Variants in SAMD5 observed in about 807,000 individuals in gnomAD.
SAMD5 encodes sterile alpha motif domain-containing protein 5.
A neutral mutation model predicts 11.3 loss-of-function variants in SAMD5; 13 were observed. The ratio of observed to expected loss-of-function variants is 1.15; its 90% CI spans 0.75 to 1.83. The LOEUF (loss-of-function observed/expected upper bound fraction) is 1.83. Ranked by LOEUF, SAMD5 falls within the 40% of genes most tolerant of loss-of-function variation. The pLI is 0.00. For synonymous variants in SAMD5, 129 were observed against 111.3 expected (o/e 1.16, Z -1.00); for missense variants, 255 against 239.1 (o/e 1.07, Z -0.44).
the SAMD5 span, among the ~76,000 whole-genome samples, chr6:147,858,929 A>C: frequency 1.3e-5 from 2 of 152,138 alleles, no homozygotes; most frequent in South Asian, 4.1e-4. Flanking sequence ...TGCATTCTGG[A>C]TGGAAAAAAG....
intron 1 of SAMD5, among the ~76,000 whole-genome samples, chr6:147,666,494 C>T (rs956033760): frequency 2.0e-5 from 3 of 152,118 alleles, no homozygotes; most frequent in African/African-American, 2.4e-5. Flanking sequence ...CTCCTCAGCT[C>T]CCTGTCAGAG....
At chr6:147,829,334 C>T in the SAMD5 span, among the ~76,000 whole-genome samples, 1 of 152,184 alleles carries the variant, frequency 6.6e-6, no homozygotes, top group Non-Finnish European at 1.5e-5. Flanking sequence ...ACTCTGCCCC[C>T]TGGATAGAGG....
At chr6:147,632,941 T>C (rs1045691674) in intron 1 of SAMD5, among the ~76,000 whole-genome samples, 1 of 152,052 alleles carries the variant, frequency 6.6e-6, no homozygotes, top group Non-Finnish European at 1.5e-5. Flanking sequence ...TTGCACCTTC[T>C]TAACCTCCTT....
chr6:147,695,872 A>G (rs1374166398), intron 1 of SAMD5, among the ~76,000 whole-genome samples: 1 of 152,200 alleles, frequency 6.6e-6, no homozygotes, highest in Non-Finnish European at 1.5e-5. Flanking sequence ...AAGCAATCCA[A>G]AAGTATTAGC....
At chr6:147,914,544 G>C in the SAMD5 span, among the ~76,000 whole-genome samples, 12 of 152,134 alleles carry the variant, frequency 7.9e-5, no homozygotes, top group Admixed American at 5.2e-4. Context: ...CGGTGAACTC[G>C]GAGTGGAAGA....
At chr6:147,874,059 G>C in the SAMD5 span, among the ~76,000 whole-genome samples, 1 of 152,144 alleles carries the variant, frequency 6.6e-6, no homozygotes, top group Non-Finnish European at 1.5e-5. Context: ...ATCTGTCTCA[G>C]CTACTGTCTG....
intron 1 of SAMD5, among the ~76,000 whole-genome samples, chr6:147,599,935 A>G (rs1019971790): frequency 2.0e-5 from 3 of 151,986 alleles, no homozygotes; most frequent in African/African-American, 7.3e-5. Flanking sequence ...TGGGACCAGG[A>G]GGTATATATA....
the SAMD5 span, among the ~76,000 whole-genome samples, chr6:147,757,081 A>T: frequency 6.6e-6 from 1 of 152,194 alleles, no homozygotes; most frequent in Non-Finnish European, 1.5e-5. Flanking sequence ...GAACTTGGAA[A>T]TACTGCTGCT....
chr6:147,642,362 C>T (rs1790325004), intron 1 of SAMD5, among the ~76,000 whole-genome samples: 1 of 151,456 alleles, frequency 6.6e-6, no homozygotes, highest in Non-Finnish European at 1.5e-5. Context: ...AGATGTGCTG[C>T]CTCTCTCAGC....
the SAMD5 span, among the ~76,000 whole-genome samples, chr6:147,849,711 A>G: frequency 1.3e-5 from 2 of 152,228 alleles, no homozygotes; most frequent in Non-Finnish European, 2.9e-5. Context: ...CAGAGTGCCG[A>G]GGGCACGTTC....
chr6:147,761,108 TAATTAA>T, the SAMD5 span, among the ~76,000 whole-genome samples: 1 of 152,196 alleles, frequency 6.6e-6, no homozygotes, highest in Non-Finnish European at 1.5e-5. Flanking sequence ...AACAATTCTC[TAATTAA>T]AATCCTTTAG....
At chr6:147,692,689 T>C (rs2128457169) in intron 1 of SAMD5, among the ~76,000 whole-genome samples, 1 of 152,346 alleles carries the variant, frequency 6.6e-6, no homozygotes, top group Non-Finnish European at 1.5e-5. Context: ...AGTGTGGTCC[T>C]GTGGTCTCTA....
chr6:147,829,966 A>G, the SAMD5 span, among the ~76,000 whole-genome samples: 5 of 152,162 alleles, frequency 3.3e-5, no homozygotes, highest in African/African-American at 1.2e-4. Context: ...TTCATAGGTA[A>G]TGGGACACCA....
chr6:147,834,944 T>G, the SAMD5 span, among the ~76,000 whole-genome samples: 6 of 152,054 alleles, frequency 3.9e-5, no homozygotes, highest in Non-Finnish European at 5.9e-5. Flanking sequence ...AAATGAAAAA[T>G]GAGGCTGGGT....
the SAMD5 span, among the ~76,000 whole-genome samples, chr6:147,914,894 C>T: frequency 6.6e-6 from 1 of 152,082 alleles, no homozygotes; most frequent in Admixed American, 6.6e-5. Context: ...ATGCAAAATC[C>T]TGGACTTTTT....
At chr6:147,641,518 A>G (rs1185771946) in intron 1 of SAMD5, among the ~76,000 whole-genome samples, 1 of 151,706 alleles carries the variant, frequency 6.6e-6, no homozygotes, top group African/African-American at 2.4e-5. Context: ...AACCTTTTCA[A>G]CTTGGTTTTT....
chr6:147,568,893 T>G lies in SAMD5; in HGVS notation c.*4437T>G, dbSNP rs1789086426. The G allele has an allele frequency of 3.1e-6, 3 of 978,784 alleles. No homozygotes were observed. In the African/African-American group the frequency reaches 5.3e-5, roughly 17 times the overall value. The allele number at this position is 978,784 out of a possible 1,614,324, so 60.6% of individuals were successfully genotyped here. A position where few individuals can be genotyped will look rare whatever the true frequency, so the allele number is the denominator to read the frequency against. On this transcript the variant is annotated 3_prime_UTR_variant, in exon 2 of 2. Transcript: ENST00000367474. ...ATTAATCCCTACTATTTTAGATATT[T>G]CCATAAAAGGCTTAAAGGGAAAAAA...
chr6:147,883,068 A>G, the SAMD5 span, among the ~76,000 whole-genome samples: 3 of 152,216 alleles, frequency 2.0e-5, no homozygotes, highest in African/African-American at 4.8e-5. Flanking sequence ...GGGAGAAAAC[A>G]TTCTGTAAAT....
intron 1 of SAMD5, among the ~76,000 whole-genome samples, chr6:147,667,567 C>T: frequency 6.6e-6 from 1 of 152,144 alleles, no homozygotes; most frequent in Non-Finnish European, 1.5e-5. Context: ...TAGGTTCTCT[C>T]CATTCACCAA....
Sources: allele counts gnomAD v4.1 joint callset (sites outside exome capture counted in the v4.1 genomes callset), GRCh38; gene constraint gnomAD v4.1.1; transcripts MANE v1.5; gene names NCBI Gene and HGNC (gene_info 2026-07-23, HGNC 2026-07-21).